PALM2AKAP2: variants seen among roughly 807,000 people sequenced by gnomAD.
PALM2AKAP2 encodes PALM2 and AKAP2 fusion, also known as PALM2-AKAP2 fusion protein.
Under a neutral mutation model 71.5 loss-of-function variants are expected in PALM2AKAP2, and 37 were observed. The observed-to-expected ratio is 0.52, with a 90% CI of 0.40 to 0.68. The LOEUF is 0.68. PALM2AKAP2 is among the 30% of genes least tolerant of loss of function. The pLI is 0.00. For synonymous variants in PALM2AKAP2, 468 were observed against 478.8 expected (o/e 0.98, Z 0.29); for missense variants, 1,224 against 1,191.8 (o/e 1.03, Z -0.40).
chr9:109,978,143 C>A (rs1259021497), intron 6 of PALM2AKAP2, among the ~76,000 whole-genome samples: 1 of 152,000 alleles, frequency 6.6e-6, no homozygotes, highest in Non-Finnish European at 1.5e-5. Context: ...ATGCATGCCT[C>A]CTCAGGACCA....
chr9:109,889,992 C>G (rs1034558217), intron 3 of PALM2AKAP2, among the ~76,000 whole-genome samples: 1 of 152,228 alleles, frequency 6.6e-6, no homozygotes, highest in African/African-American at 2.4e-5. Context: ...CAAGTTTTCT[C>G]TCTACAAAAA....
chr9:109,796,754 C>T (rs1225326858), intron 1 of PALM2AKAP2, among the ~76,000 whole-genome samples: 1 of 152,162 alleles, frequency 6.6e-6, no homozygotes, highest in African/African-American at 2.4e-5. Context: ...TTCATGGGAA[C>T]ACACTCACTA....
At chr9:109,854,156 C>A (rs1829091977) in intron 1 of PALM2AKAP2, among the ~76,000 whole-genome samples, 1 of 152,196 alleles carries the variant, frequency 6.6e-6, no homozygotes, top group South Asian at 2.1e-4. Context: ...CCCTGCTGAA[C>A]CACCAGGGTC....
intron 2 of PALM2AKAP2, among the ~76,000 whole-genome samples, chr9:110,140,646 T>C (rs1439955662): frequency 6.6e-6 from 1 of 152,236 alleles, no homozygotes; most frequent in Non-Finnish European, 1.5e-5. Flanking sequence ...GATACTTAGT[T>C]TTTATTATCT....
chr9:110,010,977 C>T (rs1201729598), intron 6 of PALM2AKAP2, among the ~76,000 whole-genome samples: 10 of 74,584 alleles, frequency 1.3e-4, no homozygotes, highest in African/African-American at 4.8e-4. Flanking sequence ...GCCTGGGCAA[C>T]AAGAGCGAAA....
At chr9:109,890,109 C>A (rs974592080) in intron 3 of PALM2AKAP2, among the ~76,000 whole-genome samples, 3 of 152,206 alleles carry the variant, frequency 2.0e-5, no homozygotes, top group Non-Finnish European at 4.4e-5. Context: ...ATGAAAACAG[C>A]AAGCTTCCTG....
At chr9:110,084,899 C>T (rs538288680) in intron 1 of PALM2AKAP2, among the ~76,000 whole-genome samples, 1 of 142,980 alleles carries the variant, frequency 7.0e-6, no homozygotes, top group Non-Finnish European at 1.6e-5. Flanking sequence ...CCACGCCCAG[C>T]TGATTTTTTT....
At chr9:110,164,855 T>C (rs1045191685) in intron 3 of PALM2AKAP2, among the ~76,000 whole-genome samples, 1 of 152,116 alleles carries the variant, frequency 6.6e-6, no homozygotes, top group African/African-American at 2.4e-5. Context: ...AATCAGATCG[T>C]TTTTTGTTTT....
exon 4 of PALM2AKAP2, chr9:110,168,622 A>T (rs1698913226): frequency 4.4e-6 from 5 of 1,127,234 alleles, no homozygotes; most frequent in Non-Finnish European, 6.2e-6. Context: ...CCTTATGTAG[A>T]CCAGAAGCTG....
At chr9:110,073,419 G>A (rs1224970246) in intron 1 of PALM2AKAP2, among the ~76,000 whole-genome samples, 2 of 152,176 alleles carry the variant, frequency 1.3e-5, no homozygotes, top group African/African-American at 2.4e-5. Context: ...TTTATAGGGT[G>A]TTTTACATGG....
At chr9:110,006,167 C>T (rs1321541685) in intron 6 of PALM2AKAP2, among the ~76,000 whole-genome samples, 5 of 152,042 alleles carry the variant, frequency 3.3e-5, no homozygotes, top group South Asian at 4.1e-4. Context: ...CATCTTGGCT[C>T]CACCTCTTTT....
chr9:109,825,709 G>A (rs1378454232), intron 1 of PALM2AKAP2, among the ~76,000 whole-genome samples: 3 of 152,098 alleles, frequency 2.0e-5, no homozygotes, highest in Non-Finnish European at 4.4e-5. Context: ...AAAAGTCAGG[G>A]AACAACAGGT....
chr9:109,902,532 C>G (rs990353117), intron 3 of PALM2AKAP2, among the ~76,000 whole-genome samples: 2 of 152,236 alleles, frequency 1.3e-5, no homozygotes, highest in Non-Finnish European at 2.9e-5. Flanking sequence ...GCTGGATACT[C>G]CAGGAAGCCC....
intron 1 of PALM2AKAP2, among the ~76,000 whole-genome samples, chr9:109,693,664 A>T (rs1827929286): frequency 1.3e-5 from 2 of 152,094 alleles, no homozygotes; most frequent in African/African-American, 4.8e-5. Flanking sequence ...ATTCAGTTTT[A>T]AATATTTTCC....
In PALM2AKAP2 at chr9:109,732,968, G is replaced by A. The variant is rs115037536; in HGVS notation, c.6-47520G>A. Among the ~76,000 whole-genome samples, 669 of 152,298 alleles carry A rather than the reference G, an allele frequency of 4.4e-3. 6 individuals are homozygous for A. Among genetic ancestry groups the A allele is most frequent in the African/African-American group, 0.015 (631 of 41,572 alleles). ...GAGATCAAGGGATCAGGAGTAGAAT[G>A]AGGCATGCATGGTAAGAAGTGAGTT... On this transcript the variant is annotated intron_variant, in intron 1 of 6. Coordinates refer to the PALM2AKAP2 transcript ENST00000374531.
chr9:109,649,334 A>G (rs1827194823), intron 1 of PALM2AKAP2, among the ~76,000 whole-genome samples: 1 of 151,734 alleles, frequency 6.6e-6, no homozygotes, highest in Non-Finnish European at 1.5e-5. Context: ...AATTTTTCTC[A>G]TTTTTTTCCT....
At chr9:110,081,827 G>A (rs1008579955) in intron 1 of PALM2AKAP2, among the ~76,000 whole-genome samples, 6 of 151,954 alleles carry the variant, frequency 3.9e-5, no homozygotes, top group East Asian at 1.9e-4. Context: ...GAGCCCTCAC[G>A]ATGTTAGAGA....
intron 1 of PALM2AKAP2, among the ~76,000 whole-genome samples, chr9:109,846,260 T>G (rs1420453151): frequency 6.6e-6 from 1 of 152,072 alleles, no homozygotes; most frequent in Non-Finnish European, 1.5e-5. Flanking sequence ...AAGAAGCTCA[T>G]GGCACCAAGG....
chr9:109,787,135 G>A (rs1826994028), intron 1 of PALM2AKAP2, among the ~76,000 whole-genome samples: 2 of 152,316 alleles, frequency 1.3e-5, no homozygotes, highest in South Asian at 4.1e-4. Context: ...GTGTCAGGAA[G>A]ACCTGGCGCA....
Sources: gnomAD v4.1 joint callset for allele counts (sites outside exome capture counted in the v4.1 genomes callset) on GRCh38, gnomAD v4.1.1 for gene constraint, MANE v1.5 for transcripts, NCBI Gene and HGNC (gene_info 2026-07-23, HGNC 2026-07-21) for gene names.